SMYD3: variants seen among roughly 807,000 people sequenced by gnomAD.
The protein encoded by SMYD3 is SET and MYND domain containing 3, also known as histone-lysine N-methyltransferase SMYD3.
A neutral mutation model predicts 57.7 loss-of-function variants in SMYD3; 36 were observed. The ratio of observed to expected loss-of-function variants is 0.62; its 90% CI spans 0.48 to 0.82. SMYD3 has a LOEUF of 0.82. Ranked by LOEUF, SMYD3 falls within the 40% of genes least tolerant of loss-of-function variation. The pLI, the probability that SMYD3 is intolerant of heterozygous loss-of-function variation, is 0.00. For missense variants in SMYD3, 515 were observed against 538.8 expected (o/e 0.96, Z 0.44); for synonymous variants, 211 against 195.0 (o/e 1.08, Z -0.68).
chr1:245,889,449 C>G (rs2053259926), intron 8 of SMYD3, among the ~76,000 whole-genome samples: 1 of 152,122 alleles, frequency 6.6e-6, no homozygotes, highest in South Asian at 2.1e-4. Context: ...TACTCTCCAC[C>G]AACCCTGCAG....
chr1:246,079,008 CAT>C (rs1455189372), intron 5 of SMYD3, among the ~76,000 whole-genome samples: 2 of 151,612 alleles, frequency 1.3e-5, no homozygotes, highest in East Asian at 1.9e-4. Context: ...AACCTTCTCT[CAT>C]CATTCTTTTT....
intron 8 of SMYD3, among the ~76,000 whole-genome samples, chr1:245,878,497 T>C (rs910103250): frequency 6.6e-6 from 1 of 152,188 alleles, no homozygotes; most frequent in Non-Finnish European, 1.5e-5. Context: ...TGGGTGCAGA[T>C]AGAGTTGCAT....
chr1:245,922,960 T>C (rs1188808684), intron 7 of SMYD3, among the ~76,000 whole-genome samples: 1 of 152,192 alleles, frequency 6.6e-6, no homozygotes, highest in Non-Finnish European at 1.5e-5. Context: ...TTGTTTTTTG[T>C]TTTTACCTAT....
chr1:246,108,134 T>C (rs927743482), intron 5 of SMYD3, among the ~76,000 whole-genome samples: 1 of 152,138 alleles, frequency 6.6e-6, no homozygotes, highest in Admixed American at 6.5e-5. Flanking sequence ...AAAGGAAGAA[T>C]TCGAAAGAGG....
chr1:246,336,737 G>C (rs2065550714), intron 2 of SMYD3, among the ~76,000 whole-genome samples: 1 of 152,008 alleles, frequency 6.6e-6, no homozygotes, highest in Non-Finnish European at 1.5e-5. Flanking sequence ...ACAAATAAAG[G>C]CTCAAAAGCT....
intron 1 of SMYD3, among the ~76,000 whole-genome samples, chr1:246,472,049 A>G (rs781383160): frequency 1.4e-4 from 21 of 150,338 alleles, no homozygotes; most frequent in Non-Finnish European, 2.5e-4. Flanking sequence ...TAATTTTTCA[A>G]TGATTCCAGA....
At chr1:245,879,400 A>G (rs2052656703) in intron 8 of SMYD3, among the ~76,000 whole-genome samples, 1 of 152,214 alleles carries the variant, frequency 6.6e-6, no homozygotes, top group East Asian at 1.9e-4. Context: ...AGAGATGGGG[A>G]GTAGGCAGCA....
intron 2 of SMYD3, among the ~76,000 whole-genome samples, chr1:246,345,192 A>G (rs1415355487): frequency 6.6e-6 from 1 of 152,128 alleles, no homozygotes; most frequent in Non-Finnish European, 1.5e-5. Flanking sequence ...TCGGTTTTAT[A>G]GTTTTAGCCT....
rs188445122 is a variant in SMYD3, at chr1:245,953,176, T to C, written c.532-23239A>G. 7.1e-4 allele frequency: 667 copies of C among 944,476 alleles called. 6 individuals are homozygous for C. The African/African-American group carries it at 9.8e-3, about 14-fold the overall frequency. 58.5% of individuals were successfully genotyped at this position (944,476 alleles called of 1,614,324 possible). On this transcript the variant is annotated intron_variant, in intron 5 of 11. Coordinates refer to ENST00000490107, the MANE Select transcript of SMYD3 (RefSeq NM_001167740.2). ...AGGAATTGAAGCTAGTTAGATCTCT[T>C]TGGTCATAATATATATTATCAGTAT... is the stretch of plus-strand genomic sequence containing the variant.
intron 5 of SMYD3, among the ~76,000 whole-genome samples, chr1:246,307,138 T>C (rs192338958): frequency 5.1e-4 from 78 of 152,312 alleles, no homozygotes; most frequent in African/African-American, 1.9e-3. Context: ...ACATGAAAAA[T>C]AGCTCCGCTG....
intron 1 of SMYD3, among the ~76,000 whole-genome samples, chr1:246,486,107 A>G (rs1403322816): frequency 6.6e-6 from 1 of 152,224 alleles, no homozygotes; most frequent in African/African-American, 2.4e-5. Context: ...TGGATGCTGA[A>G]CACTTTATCA....
At chr1:245,814,321 T>C in intron 10 of SMYD3, 1 of 955,426 alleles carries the variant, frequency 1.0e-6, no homozygotes, top group South Asian at 4.8e-5. Context: ...CATAGGAATA[T>C]AAGAAAATTA....
chr1:246,345,839 T>C (rs1445837933), intron 2 of SMYD3, among the ~76,000 whole-genome samples: 14 of 152,140 alleles, frequency 9.2e-5, no homozygotes, highest in Admixed American at 9.2e-4. Context: ...GCCTTAATCA[T>C]CCCAGGGCCA....
In SMYD3 at chr1:246,140,842, C is replaced by T. The variant is rs561874221; in HGVS notation, c.531+186359G>A. On this transcript the variant is annotated intron_variant, in intron 5 of 11. Coordinates refer to ENST00000490107, the MANE Select transcript of SMYD3 (RefSeq NM_001167740.2). Reference sequence around the variant, plus strand: ...ACTCCTGGCCTTAAGCCATCCTCCCCTCTCCGCCTCCTGAGTTGCTGGGAT... The same window carrying T: ...ACTCCTGGCCTTAAGCCATCCTCCCTTCTCCGCCTCCTGAGTTGCTGGGAT... Among the ~76,000 whole-genome samples, 7 of 152,250 alleles carry T rather than the reference C, an allele frequency of 4.6e-5. No individual in the cohort carries two copies. In the East Asian group the frequency reaches 1.4e-3, roughly 29 times the overall value.
chr1:245,807,277 CA>C (rs1279631523), intron 10 of SMYD3, among the ~76,000 whole-genome samples: 2 of 151,852 alleles, frequency 1.3e-5, no homozygotes, highest in Non-Finnish European at 1.5e-5. Flanking sequence ...CTCAGGTCAG[CA>C]AAAGGTCTTA....
chr1:245,919,953 C>T (rs2055741670), intron 7 of SMYD3, among the ~76,000 whole-genome samples: 1 of 152,148 alleles, frequency 6.6e-6, no homozygotes, highest in African/African-American at 2.4e-5. Flanking sequence ...ACATTAAAAT[C>T]TCAAGACAAA....
chr1:246,130,074 C>T (rs1272520116), intron 5 of SMYD3, among the ~76,000 whole-genome samples: 1 of 152,106 alleles, frequency 6.6e-6, no homozygotes, highest in African/African-American at 2.4e-5. Flanking sequence ...AGAATATCCT[C>T]AGAAAACAGG....
chr1:246,457,449 C>T (rs1223423715), intron 1 of SMYD3, among the ~76,000 whole-genome samples: 3 of 148,086 alleles, frequency 2.0e-5, no homozygotes, highest in Non-Finnish European at 4.4e-5. Flanking sequence ...AGGAGAATCA[C>T]TTGCACCTGG....
chr1:246,325,106 G>A (rs182920934), intron 5 of SMYD3, among the ~76,000 whole-genome samples: 61 of 3,198 alleles, frequency 0.019, 20 homozygotes, highest in Non-Finnish European at 0.077. Flanking sequence ...GTCGGGGGGC[G>A]GGAAGGAGGG....
Sources: gnomAD v4.1 joint callset for allele counts (sites outside exome capture counted in the v4.1 genomes callset) on GRCh38, gnomAD v4.1.1 for gene constraint, MANE v1.5 for transcripts, NCBI Gene and HGNC (gene_info 2026-07-23, HGNC 2026-07-21) for gene names.